The following VPS13B variants were observed in gnomAD, a reference collection of about 807,000 sequenced individuals.
VPS13B encodes vacuolar protein sorting 13 homolog B.
Under a neutral mutation model 426.4 loss-of-function variants are expected in VPS13B, and 285 were observed. That is an observed-to-expected ratio of 0.67 (90% confidence interval 0.61 to 0.74). VPS13B has a LOEUF of 0.74. Among genes scored for constraint, VPS13B ranks in the 30% least tolerant of loss-of-function variants. The pLI is 0.00. For synonymous variants in VPS13B, 1,676 were observed against 1,676.4 expected (o/e 1.00, Z 0.01); for missense variants, 4,537 against 4,782.6 (o/e 0.95, Z 1.51).
chr8:99,868,421 A>C lies in VPS13B; in HGVS notation c.11348A>C (p.Lys3783Thr). Residue 3783 changes from lysine to threonine, a missense_variant, in exon 59 of 62, where the codon AAG (lysine) becomes ACG (threonine). This residue lies in a region of VPS13B where 4,311 missense variants were observed against 4,474.3 expected (regional missense o/e 0.96). Transcript: ENST00000357162. ...AAAGGAATCATGGGGGTGTTCACAA[A>C]GCCCATCGGAGGAGCTGCTGAGCTG... ...VGKGIMGVFT[K>T]PIGGAAELVS... is the part of the protein sequence containing the mutation. 6.2e-7 allele frequency: 1 copy of C among 1,614,010 alleles called. No individual in the cohort carries two copies. The highest frequency in any genetic ancestry group is 8.5e-7 in the Non-Finnish European group (1 of 1,179,986).
rs1841448791 is a variant in VPS13B, at chr8:99,013,851, A to G, written c.63A>G (p.Leu21=). ...MSYVNRYIKN[L]KPSDLQLSLW... The stretch of plus-strand genomic sequence containing the variant: ...ATGTGAATCGCTACATCAAGAACTT[A>G]AAGCCGTCGGATCTACAGCTTTCAC... Residue 21 remains leucine, a synonymous_variant, in exon 2 of 62, where the codon TTA becomes TTG. Coordinates refer to ENST00000357162, the MANE Select transcript of VPS13B (RefSeq NM_152564.5). The G allele has an allele frequency of 6.2e-7, 1 of 1,614,176 alleles. No homozygotes were observed. Among genetic ancestry groups the G allele is most frequent in the Non-Finnish European group, 8.5e-7 (1 of 1,180,040 alleles).
chr8:99,548,289 A>T (rs1397702653), intron 30 of VPS13B, among the ~76,000 whole-genome samples: 1 of 152,018 alleles, frequency 6.6e-6, no homozygotes, highest in Non-Finnish European at 1.5e-5. Flanking sequence ...TTTCACTCCT[A>T]CAAGTCTTAT....
In VPS13B at chr8:99,442,462, T is replaced by C. The variant is rs1395341017; in HGVS notation, c.3272T>C (p.Ile1091Thr). 15 of 1,613,986 alleles carry C rather than the reference T, an allele frequency of 9.3e-6. No individual in the cohort carries two copies. The highest frequency in any genetic ancestry group is 1.2e-5 in the Non-Finnish European group (14 of 1,179,896). ...GATAGCCTGCCTTCCCCAAGTACAA[T>C]TGTATCTGGTGACATTCCTGGAACA... is the stretch of plus-strand genomic sequence containing the variant. ...PNDSLPSPSTIVSGDIPGTVR... is the reference protein window; with the variant it reads ...PNDSLPSPSTTVSGDIPGTVR... The change falls in exon 23 of 62, where the codon ATT becomes ACT. Residue 1091 changes from isoleucine (I) to threonine (T), a missense_variant. This residue lies in a region of VPS13B where 4,311 missense variants were observed against 4,474.3 expected (regional missense o/e 0.96). Coordinates refer to ENST00000357162, the MANE Select transcript of VPS13B (RefSeq NM_152564.5).
At position 99,821,239 on chromosome 8, in the gene VPS13B, T is replaced by TA. The variant is rs1398865934; in HGVS notation, c.8995-49dup. 3.8e-6 allele frequency: 6 copies of TA among 1,569,342 alleles called. No individual in the cohort carries two copies. The Admixed American group carries it at 1.0e-4, about 27-fold the overall frequency. ...AAAAAAAAAATCCTGAGGATTGAAG[T>TA]AAAAAATATCAAAGGTAAGAAAATT... On this transcript the variant is annotated intron_variant, in intron 49 of 61. Coordinates refer to ENST00000357162, the MANE Select transcript of VPS13B (RefSeq NM_152564.5).
chr8:99,829,894 C>T (rs1450766097), intron 51 of VPS13B, among the ~76,000 whole-genome samples: 1 of 152,216 alleles, frequency 6.6e-6, no homozygotes, highest in African/African-American at 2.4e-5. Flanking sequence ...GGGGTCCACC[C>T]CAGACCCTGT....
intron 19 of VPS13B, among the ~76,000 whole-genome samples, chr8:99,312,014 CTG>C (rs567010011): frequency 2.0e-5 from 3 of 152,070 alleles, no homozygotes; most frequent in Admixed American, 2.0e-4. Context: ...TTTTTATTGT[CTG>C]TTTGCTTGGT....
intron 21 of VPS13B, among the ~76,000 whole-genome samples, chr8:99,395,338 G>A (rs991691904): frequency 1.3e-5 from 2 of 152,194 alleles, no homozygotes; most frequent in Non-Finnish European, 2.9e-5. Flanking sequence ...AATGCATGGC[G>A]ATGAGACCTC....
intron 21 of VPS13B, chr8:99,429,713 C>G (rs1402551095): frequency 6.6e-6 from 1 of 152,168 alleles, no homozygotes; most frequent in East Asian, 1.9e-4. Context: ...CACCTCGTTG[C>G]TTCTGCTGTC....
intron 39 of VPS13B, among the ~76,000 whole-genome samples, chr8:99,738,104 C>A (rs1588668894): frequency 6.6e-6 from 1 of 152,220 alleles, no homozygotes; most frequent in Non-Finnish European, 1.5e-5. Context: ...TCTCAGACTT[C>A]ATTTTATTGC....
intron 54 of VPS13B, among the ~76,000 whole-genome samples, chr8:99,845,836 T>C (rs1321936047): frequency 2.0e-5 from 3 of 152,164 alleles, no homozygotes; most frequent in East Asian, 1.9e-4. Flanking sequence ...TGGAGAGATA[T>C]GTAAGTAAAT....
chr8:99,861,830 G>T lies in VPS13B; in HGVS notation c.11099G>T (p.Arg3700Leu), dbSNP rs750753561. The part of the protein sequence containing the change: ...LATSLARNMD[R>L]LSLDEEHYNR... ...ACAAGCCTGGCCCGGAACATGGACC[G>T]GCTCTCACTGGATGAGGAGCACTAC... Residue 3700 changes from arginine (R) to leucine (L), a missense_variant, in exon 58 of 62, where the codon CGG becomes CTG. Arg to Leu is a moderately radical substitution (Grantham distance 102). This residue lies in a region of VPS13B where 4,311 missense variants were observed against 4,474.3 expected (regional missense o/e 0.96). Transcript: ENST00000357162. 3.1e-6 allele frequency: 5 copies of T among 1,598,798 alleles called. No individual in the cohort carries two copies. Among genetic ancestry groups the T allele is most frequent in the Non-Finnish European group, 4.3e-6 (5 of 1,173,164 alleles).
intron 19 of VPS13B, among the ~76,000 whole-genome samples, chr8:99,312,193 G>A (rs1190259547): frequency 1.3e-5 from 2 of 152,156 alleles, no homozygotes; most frequent in Non-Finnish European, 2.9e-5. Context: ...TGTTATGTGT[G>A]AATTTGATCC....
intron 33 of VPS13B, among the ~76,000 whole-genome samples, chr8:99,636,708 A>G (rs1829085758): frequency 6.6e-6 from 1 of 152,080 alleles, no homozygotes; most frequent in Non-Finnish European, 1.5e-5. Flanking sequence ...TCTAATAAGT[A>G]AAGCATTTTG....
chr8:99,341,972 TC>T (rs1408051952), intron 19 of VPS13B, among the ~76,000 whole-genome samples: 6 of 152,230 alleles, frequency 3.9e-5, no homozygotes, highest in African/African-American at 1.4e-4. Flanking sequence ...AATTCTTAAT[TC>T]AGGCACTTAA....
intron 3 of VPS13B, among the ~76,000 whole-genome samples, chr8:99,089,896 C>T (rs1481245177): frequency 6.6e-6 from 1 of 152,040 alleles, no homozygotes; most frequent in Admixed American, 6.6e-5. Context: ...TCTTTCAGGG[C>T]CTGTGATCTG....
At chr8:99,694,966 A>C (rs967335746) in intron 35 of VPS13B, among the ~76,000 whole-genome samples, 6 of 151,352 alleles carry the variant, frequency 4.0e-5, no homozygotes, top group Admixed American at 1.3e-4. Context: ...ATCACTGGCC[A>C]TCAGAGAAAT....
chr8:99,757,298 C>A (rs1200411500), intron 39 of VPS13B, among the ~76,000 whole-genome samples: 1 of 152,142 alleles, frequency 6.6e-6, no homozygotes, highest in Non-Finnish European at 1.5e-5. Flanking sequence ...CGTCAGCTAC[C>A]CTGTTTTGTC....
At chr8:99,684,305 G>T (rs182621774) in intron 35 of VPS13B, among the ~76,000 whole-genome samples, 4 of 152,252 alleles carry the variant, frequency 2.6e-5, no homozygotes, top group African/African-American at 9.6e-5. Flanking sequence ...GGTAATGATG[G>T]TCTCATAAAA....
chr8:99,542,752 A>G (rs1823693869), intron 30 of VPS13B, among the ~76,000 whole-genome samples: 1 of 152,176 alleles, frequency 6.6e-6, no homozygotes, highest in African/African-American at 2.4e-5. Flanking sequence ...CAGCCTTTCC[A>G]AGTGACCTCA....
Sources: allele counts gnomAD v4.1 joint callset (sites outside exome capture counted in the v4.1 genomes callset), GRCh38; gene constraint gnomAD v4.1.1; regional missense constraint gnomAD v4.1.1; transcripts MANE v1.5; gene names NCBI Gene and HGNC (gene_info 2026-07-23, HGNC 2026-07-21).